HIVEP3: variants seen among roughly 807,000 people sequenced by gnomAD.
HIVEP3 encodes HIVEP zinc finger 3, also known as transcription factor HIVEP3.
HIVEP3 carries 49 observed loss-of-function variants against 152.8 expected under a neutral mutation model. The ratio of observed to expected loss-of-function variants is 0.32; its 90% CI spans 0.26 to 0.41. HIVEP3 has a LOEUF of 0.41. Among genes scored for constraint, HIVEP3 ranks in the 10% least tolerant of loss-of-function variants. HIVEP3 has a pLI of 1.00. For synonymous variants in HIVEP3, 1,269 were observed against 1,289.0 expected (o/e 0.98, Z 0.33); for missense variants, 2,790 against 3,103.3 (o/e 0.90, Z 2.40).
chr1:41,998,889 C>CTTT lies in HIVEP3; in HGVS notation n.119+36915_119+36917dup, dbSNP rs1196185838. On this transcript the variant is annotated intron_variant and non_coding_transcript_variant, in intron 1 of 3. Coordinates refer to the HIVEP3 transcript ENST00000489103. ...TGGTTTTTAATACTTTTCTCTCTCT[C>CTTT]TTTTTTTTTTTTTTTTTTTTTTTTT... Among the ~76,000 whole-genome samples, 150 of 64,350 alleles carry CTTT rather than the reference C, an allele frequency of 2.3e-3. 1 individual carries two copies. The highest frequency in any genetic ancestry group is 2.5e-3 in the Non-Finnish European group (96 of 38,144). The allele number at this position is 64,350 out of a possible 152,430, so 42.2% of individuals were successfully genotyped here.
upstream of HIVEP3, among the ~76,000 whole-genome samples, chr1:41,921,515 T>C (rs1644941775): frequency 6.6e-6 from 1 of 152,210 alleles, no homozygotes; most frequent in Non-Finnish European, 1.5e-5. Context: ...TCTGCCATGA[T>C]TGTGTGGCTT....
At chr1:41,767,442 G>A (rs1167840153) in intron 1 of HIVEP3, among the ~76,000 whole-genome samples, 1 of 152,174 alleles carries the variant, frequency 6.6e-6, no homozygotes, top group Non-Finnish European at 1.5e-5. Flanking sequence ...AGGTGTGGTT[G>A]ACCTGTGAGC....
At chr1:41,610,406 T>C (rs937455116) in intron 3 of HIVEP3, among the ~76,000 whole-genome samples, 2 of 152,256 alleles carry the variant, frequency 1.3e-5, no homozygotes, top group African/African-American at 4.8e-5. Flanking sequence ...GGAGCCAGTC[T>C]CATTCACCAT....
At chr1:41,572,664 C>T (rs889464525) in intron 5 of HIVEP3, among the ~76,000 whole-genome samples, 1 of 152,190 alleles carries the variant, frequency 6.6e-6, no homozygotes, top group African/African-American at 2.4e-5. Flanking sequence ...AGTAGATCCT[C>T]CTCCCTGATG....
chr1:41,827,133 G>T (rs953890577), intron 1 of HIVEP3, among the ~76,000 whole-genome samples: 1 of 152,190 alleles, frequency 6.6e-6, no homozygotes, highest in Non-Finnish European at 1.5e-5. Context: ...CCAGGGGGCT[G>T]CTGACGGCCA....
chr1:41,605,365 A>ACG (rs1196821396), intron 3 of HIVEP3, among the ~76,000 whole-genome samples: 30 of 124,444 alleles, frequency 2.4e-4, no homozygotes, highest in African/African-American at 8.2e-4. Context: ...ACATACACAC[A>ACG]CGCACACGCG....
At chr1:41,669,271 C>T (rs1471088754) in intron 2 of HIVEP3, among the ~76,000 whole-genome samples, 2 of 152,036 alleles carry the variant, frequency 1.3e-5, no homozygotes, top group African/African-American at 4.8e-5. Flanking sequence ...AGGGTGGAAG[C>T]GCTGAGGGGA....
chr1:41,759,529 C>A (rs746416979), intron 1 of HIVEP3, among the ~76,000 whole-genome samples: 10 of 152,126 alleles, frequency 6.6e-5, no homozygotes, highest in Admixed American at 6.5e-4. Context: ...CTTTGAATAT[C>A]TATTTTCAAA....
intron 1 of HIVEP3, among the ~76,000 whole-genome samples, chr1:41,777,853 G>A (rs1219019201): frequency 6.6e-6 from 1 of 152,248 alleles, no homozygotes; most frequent in African/African-American, 2.4e-5. Context: ...GAGCGCAGAT[G>A]TTGCTAATGG....
chr1:41,641,842 T>G (rs1047709709), intron 2 of HIVEP3, among the ~76,000 whole-genome samples: 1 of 152,124 alleles, frequency 6.6e-6, no homozygotes, highest in East Asian at 1.9e-4. Flanking sequence ...TAGGGTGAGA[T>G]TTAAGAGAAT....
intron 1 of HIVEP3, among the ~76,000 whole-genome samples, chr1:41,805,063 G>A (rs568489617): frequency 5.3e-5 from 8 of 152,196 alleles, no homozygotes; most frequent in South Asian, 2.1e-4. Context: ...ATGGCCGGGC[G>A]CGGTGGCTCA....
intron 5 of HIVEP3, among the ~76,000 whole-genome samples, chr1:41,569,717 G>C (rs1031139035): frequency 6.6e-6 from 1 of 152,008 alleles, no homozygotes; most frequent in African/African-American, 2.4e-5. Flanking sequence ...ACACAGGTAT[G>C]TGTGCACATA....
intron 1 of HIVEP3, among the ~76,000 whole-genome samples, chr1:41,977,518 C>T (rs1645267013): frequency 6.6e-6 from 1 of 152,158 alleles, no homozygotes; most frequent in Admixed American, 6.5e-5. Context: ...TGTCACATCC[C>T]CCCATCTCTC....
intron 2 of HIVEP3, among the ~76,000 whole-genome samples, chr1:41,653,095 A>G (rs4393146): frequency 0.75 from 114,792 of 152,064 alleles, 44,392 homozygotes; most frequent in East Asian, 0.99. Context: ...AATAAGTTTT[A>G]AGTCACTGTT....
chr1:41,536,693 A>C (rs533108088), intron 5 of HIVEP3, among the ~76,000 whole-genome samples: 1 of 152,148 alleles, frequency 6.6e-6, no homozygotes, highest in African/African-American at 2.4e-5. Flanking sequence ...GAAACCACAG[A>C]TTCAGATTTT....
chr1:41,989,792 C>G (rs1428083405), intron 1 of HIVEP3, among the ~76,000 whole-genome samples: 1 of 150,886 alleles, frequency 6.6e-6, no homozygotes. Flanking sequence ...TTCCTCCATC[C>G]TTTTATTTTG....
intron 1 of HIVEP3, among the ~76,000 whole-genome samples, chr1:41,810,654 T>C (rs1460388239): frequency 6.6e-6 from 1 of 152,224 alleles, no homozygotes; most frequent in Non-Finnish European, 1.5e-5. Context: ...CTTGGAGCTC[T>C]CCAAGGTACT....
intron 1 of HIVEP3, among the ~76,000 whole-genome samples, chr1:41,956,019 A>C (rs995062778): frequency 6.6e-6 from 1 of 152,204 alleles, no homozygotes; most frequent in Non-Finnish European, 1.5e-5. Flanking sequence ...GCCGGGACTC[A>C]CTTCCAGCGG....
intron 1 of HIVEP3, among the ~76,000 whole-genome samples, chr1:41,824,784 T>TATAGAGAGAG (rs1553266584): frequency 2.8e-3 from 32 of 11,340 alleles, no homozygotes; most frequent in Admixed American, 4.7e-3. Context: ...TATATATATA[T>TATAGAGAGAG]AGAGAGAGAG....
Sources: allele counts gnomAD v4.1 joint callset (sites outside exome capture counted in the v4.1 genomes callset), GRCh38; gene constraint gnomAD v4.1.1; transcripts MANE v1.5; gene names NCBI Gene and HGNC (gene_info 2026-07-23, HGNC 2026-07-21).